MBNL1: variants seen among roughly 807,000 people sequenced by gnomAD.
The protein encoded by MBNL1 is muscleblind-like protein 1.
Under a neutral mutation model 42.2 loss-of-function variants are expected in MBNL1, and 8 were observed. The ratio of observed to expected loss-of-function variants is 0.19; its 90% confidence interval spans 0.11 to 0.34. The LOEUF (loss-of-function observed/expected upper bound fraction) is 0.34, where lower values mean the gene tolerates loss of function less well. MBNL1 is among the 10% of genes least tolerant of loss of function. The probability of loss-of-function intolerance (pLI) is 1.00; values close to 1 mark genes in which losing one functional copy is unlikely to be tolerated. For missense variants in MBNL1, 309 were observed against 495.3 expected, an observed-to-expected ratio of 0.62 and a Z score of 3.57; for synonymous variants, 169 against 173.9, an observed-to-expected ratio of 0.97 and a Z score of 0.22.
intron 2 of MBNL1, among the ~76,000 whole-genome samples, chr3:152,257,791 C>T (rs764277914): frequency 2.6e-5 from 4 of 151,932 alleles, no homozygotes; most frequent in East Asian, 1.9e-4. Flanking sequence ...ACAGCTCTGG[C>T]GGAGTAAAAA....
At chr3:152,249,788 T>C (rs1347888512) in intron 2 of MBNL1, among the ~76,000 whole-genome samples, 1 of 139,530 alleles carries the variant, frequency 7.2e-6, no homozygotes, top group Non-Finnish European at 1.6e-5. Flanking sequence ...CTTGAATTAA[T>C]TTTTGTATAA....
At chr3:152,262,438 G>A (rs929283170) in intron 2 of MBNL1, among the ~76,000 whole-genome samples, 1 of 152,084 alleles carries the variant, frequency 6.6e-6, no homozygotes, top group Admixed American at 6.5e-5. Context: ...TCCACAGAGA[G>A]AACTCACACA....
intron 1 of MBNL1, among the ~76,000 whole-genome samples, chr3:152,298,521 T>G (rs568752323): frequency 5.9e-5 from 9 of 152,234 alleles, no homozygotes; most frequent in Non-Finnish European, 1.3e-4. Flanking sequence ...ACTTTCTCCC[T>G]TGAGGTTGAC....
intron 7 of MBNL1, 57 bp downstream of exon 7, chr3:152,455,634 C>T: frequency 6.7e-7 from 1 of 1,483,400 alleles, no homozygotes; most frequent in Non-Finnish European, 9.4e-7. Context: ...CTCACAGCCC[C>T]TCAAAATCCA....
At chr3:152,329,848 G>A (rs1246093520) in intron 2 of MBNL1, among the ~76,000 whole-genome samples, 3 of 150,634 alleles carry the variant, frequency 2.0e-5, no homozygotes, top group Non-Finnish European at 4.4e-5. Flanking sequence ...ATGTGCTATT[G>A]GTTTGAAATA....
intron 1 of MBNL1, among the ~76,000 whole-genome samples, chr3:152,278,472 C>T (rs562266310): frequency 6.6e-6 from 1 of 152,004 alleles, no homozygotes; most frequent in South Asian, 2.1e-4. Flanking sequence ...TTTTTTCCTT[C>T]AATAGGAAAG....
At chr3:152,275,397 A>T (rs576242641) in intron 1 of MBNL1, among the ~76,000 whole-genome samples, 69 of 152,236 alleles carry the variant, frequency 4.5e-4, no homozygotes, top group African/African-American at 1.7e-3. Context: ...TATAAACACT[A>T]TATCTAAATT....
intron 1 of MBNL1, chr3:152,244,237 T>A (rs1376671044): frequency 6.6e-6 from 1 of 152,244 alleles, no homozygotes; most frequent in Non-Finnish European, 1.5e-5. Flanking sequence ...GCTTTATGAA[T>A]AATTTTCCAT....
At chr3:152,286,530 A>ATATT (rs566250089) in intron 1 of MBNL1, among the ~76,000 whole-genome samples, 36 of 141,450 alleles carry the variant, frequency 2.5e-4, no homozygotes, top group African/African-American at 9.3e-4. Context: ...TATAATATAA[A>ATATT]TATATTTTAT....
intron 2 of MBNL1, among the ~76,000 whole-genome samples, chr3:152,258,947 C>T (rs192037455): frequency 2.6e-5 from 4 of 152,278 alleles, no homozygotes; most frequent in Admixed American, 6.5e-5. Flanking sequence ...TATTTAGGGA[C>T]CTTGGCAAAT....
intron 2 of MBNL1, among the ~76,000 whole-genome samples, chr3:152,406,684 G>A (rs560767566): frequency 6.6e-6 from 1 of 152,190 alleles, no homozygotes; most frequent in Non-Finnish European, 1.5e-5. Flanking sequence ...TGTTTGAGTG[G>A]GGGTGTGTTG....
intron 2 of MBNL1, among the ~76,000 whole-genome samples, chr3:152,321,734 A>G (rs1577867589): frequency 6.6e-6 from 1 of 152,030 alleles, no homozygotes; most frequent in Non-Finnish European, 1.5e-5. Flanking sequence ...ATCAAATTTT[A>G]AAGGATTTTT....
intron 2 of MBNL1, among the ~76,000 whole-genome samples, chr3:152,345,631 T>C (rs2094120021): frequency 6.6e-6 from 1 of 152,168 alleles, no homozygotes; most frequent in Non-Finnish European, 1.5e-5. Context: ...TGTGTATGTG[T>C]AAAACATTGA....
intron 4 of MBNL1, among the ~76,000 whole-genome samples, chr3:152,441,708 G>T (rs1471772907): frequency 6.6e-6 from 1 of 152,200 alleles, no homozygotes; most frequent in East Asian, 1.9e-4. Flanking sequence ...TATTTGTAAA[G>T]TAAAAGGCTC....
At chr3:152,425,219 A>C (rs1217975510) in intron 3 of MBNL1, among the ~76,000 whole-genome samples, 2 of 152,118 alleles carry the variant, frequency 1.3e-5, no homozygotes, top group Non-Finnish European at 2.9e-5. Flanking sequence ...CAAGAAAAAA[A>C]AAAACATCAA....
chr3:152,374,723 G>C (rs180909347), intron 2 of MBNL1, among the ~76,000 whole-genome samples: 1 of 152,294 alleles, frequency 6.6e-6, no homozygotes, highest in African/African-American at 2.4e-5. Context: ...AAATGGAAAA[G>C]TAGAGGAAGG....
At chr3:152,274,927 G>C (rs1363478127) in intron 1 of MBNL1, among the ~76,000 whole-genome samples, 1 of 151,996 alleles carries the variant, frequency 6.6e-6, no homozygotes, top group Non-Finnish European at 1.5e-5. Flanking sequence ...TCAAGATGAG[G>C]ACTTAAGCAG....
intron 1 of MBNL1, among the ~76,000 whole-genome samples, chr3:152,287,499 T>C (rs1457579533): frequency 6.6e-6 from 1 of 152,128 alleles, no homozygotes; most frequent in African/African-American, 2.4e-5. Flanking sequence ...CCTTGATTGA[T>C]TATGGTTGCC....
chr3:152,347,978 T>C (rs2094493312), intron 2 of MBNL1, among the ~76,000 whole-genome samples: 1 of 152,178 alleles, frequency 6.6e-6, no homozygotes, highest in Non-Finnish European at 1.5e-5. Flanking sequence ...TAAGGATAAT[T>C]GGTAGTATAA....
Sources: gnomAD v4.1 joint callset for allele counts (sites outside exome capture counted in the v4.1 genomes callset) on GRCh38, gnomAD v4.1.1 for gene constraint, MANE v1.5 for transcripts, NCBI Gene and HGNC (gene_info 2026-07-23, HGNC 2026-07-21) for gene names.